GTF2F2: variants seen among roughly 807,000 people sequenced by gnomAD.
GTF2F2 encodes general transcription factor IIF subunit 2.
A neutral mutation model predicts 42.2 loss-of-function variants in GTF2F2; 23 were observed. The ratio of observed to expected loss-of-function variants is 0.55; its 90% CI spans 0.39 to 0.77. The LOEUF is 0.77. GTF2F2 is among the 30% of genes least tolerant of loss of function. The pLI is 0.00. For synonymous variants in GTF2F2, 105 were observed against 100.8 expected, an observed-to-expected ratio of 1.04 and a Z score of -0.25; for missense variants, 261 against 287.2, an observed-to-expected ratio of 0.91 and a Z score of 0.66.
intron 5 of GTF2F2, among the ~76,000 whole-genome samples, chr13:45,220,568 A>G (rs1874066489): frequency 6.6e-6 from 1 of 152,128 alleles, no homozygotes; most frequent in East Asian, 1.9e-4. Context: ...GAGGGCTCCC[A>G]GGCAGGAATG....
At chr13:45,176,108 CTG>C (rs1269285761) in intron 4 of GTF2F2, among the ~76,000 whole-genome samples, 1 of 152,084 alleles carries the variant, frequency 6.6e-6, no homozygotes, top group Non-Finnish European at 1.5e-5. Flanking sequence ...CTCATTTTTA[CTG>C]TTAGTGAATA....
At chr13:45,263,911 C>A in intron 6 of GTF2F2, 1 of 190,498 alleles carries the variant, frequency 5.2e-6, no homozygotes, top group Non-Finnish European at 1.1e-5. Context: ...TTTCAGAGTG[C>A]AAAGTGGTTT....
intron 5 of GTF2F2, among the ~76,000 whole-genome samples, chr13:45,216,708 A>C (rs974614115): frequency 1.3e-5 from 2 of 151,836 alleles, no homozygotes; most frequent in Admixed American, 1.3e-4. Flanking sequence ...TAGTGGGGAC[A>C]GGATTGCTCC....
At chr13:45,194,283 A>G in intron 4 of GTF2F2, 3 of 1,614,164 alleles carry the variant, frequency 1.9e-6, no homozygotes, top group South Asian at 1.1e-5. Flanking sequence ...GAAGTTCTCC[A>G]TTTCGTAGGA....
intron 1 of GTF2F2, among the ~76,000 whole-genome samples, chr13:45,129,297 C>T (rs1385759639): frequency 1.3e-5 from 2 of 152,206 alleles, no homozygotes; most frequent in African/African-American, 4.8e-5. Flanking sequence ...CAGCCTCGAC[C>T]TCCCTGGGCT....
rs1437287708 is a variant in GTF2F2 at position 45,273,772 on chromosome 13, A to G, written c.630+6396A>G. ...CTGGTTCAAGCGATTCTCCTGCCTC[A>G]GCCTCCTGAGTAGCTGGGATTACAG... is the stretch of plus-strand genomic sequence containing the variant. On this transcript the variant is annotated intron_variant, in intron 7 of 7. Coordinates refer to ENST00000340473, the MANE Select transcript of GTF2F2 (RefSeq NM_004128.3). Among the ~76,000 whole-genome samples the G allele has an allele frequency of 2.0e-5, 3 of 150,164 alleles. No individual in the cohort carries two copies. In the East Asian group the frequency reaches 5.9e-4, roughly 29 times the overall value.
In GTF2F2 at chr13:45,175,800, T is replaced by G. The variant is rs1046450967; in HGVS notation, c.304+23969T>G. ...GCTACACCTGGCTAATTGTGTGTGT[T>G]TTTAGTAGAGATGGGGTTTCTCTGT... is the stretch of plus-strand genomic sequence containing the variant. On this transcript the variant is annotated intron_variant, in intron 4 of 7. Transcript: ENST00000340473. 1.6e-4 allele frequency among the ~76,000 whole-genome samples: 24 copies of G among 152,206 alleles called. No individual in the cohort carries two copies. The South Asian group carries it at 2.5e-3, about 16-fold the overall frequency.
intron 5 of GTF2F2, among the ~76,000 whole-genome samples, chr13:45,225,219 G>A (rs1874281546): frequency 6.6e-6 from 1 of 152,146 alleles, no homozygotes; most frequent in South Asian, 2.1e-4. Flanking sequence ...TCTTAACAAG[G>A]AGGTACAACT....
At chr13:45,176,189 C>T (rs1871868528) in intron 4 of GTF2F2, among the ~76,000 whole-genome samples, 1 of 152,160 alleles carries the variant, frequency 6.6e-6, no homozygotes, top group Admixed American at 6.5e-5. Context: ...ACTTTGGTCA[C>T]AGGATACATA....
chr13:45,204,066 T>C (rs915963666), intron 4 of GTF2F2, among the ~76,000 whole-genome samples: 1 of 152,186 alleles, frequency 6.6e-6, no homozygotes. Flanking sequence ...ATGGTAGATA[T>C]CAGCAGTTAA....
At chr13:45,201,688 G>A (rs919072146) in intron 4 of GTF2F2, among the ~76,000 whole-genome samples, 8 of 152,260 alleles carry the variant, frequency 5.3e-5, no homozygotes, top group African/African-American at 1.9e-4. Context: ...AAAGATGTGT[G>A]TTCATACTCA....
chr13:45,178,881 TG>T (rs978143120), intron 4 of GTF2F2, among the ~76,000 whole-genome samples: 3 of 152,122 alleles, frequency 2.0e-5, no homozygotes, highest in African/African-American at 4.8e-5. Context: ...TGCATTCAGC[TG>T]GGGGGTTGGC....
intron 1 of GTF2F2, among the ~76,000 whole-genome samples, chr13:45,134,248 G>C (rs1274929131): frequency 1.3e-5 from 2 of 152,146 alleles, no homozygotes; most frequent in African/African-American, 4.8e-5. Context: ...GGCCAGTGAA[G>C]TATCTCATCT....
intron 1 of GTF2F2, among the ~76,000 whole-genome samples, chr13:45,127,371 G>C (rs1171476011): frequency 1.3e-5 from 2 of 151,966 alleles, no homozygotes; most frequent in East Asian, 3.9e-4. Flanking sequence ...TGTCTCCCAG[G>C]CTGGAGTGAA....
intron 5 of GTF2F2, among the ~76,000 whole-genome samples, chr13:45,252,634 G>A (rs1875925731): frequency 6.6e-6 from 1 of 152,036 alleles, no homozygotes; most frequent in African/African-American, 2.4e-5. Flanking sequence ...ATAATAAGCG[G>A]GTGAAAAGTA....
intron 5 of GTF2F2, among the ~76,000 whole-genome samples, chr13:45,216,664 T>C (rs1873901991): frequency 6.6e-6 from 1 of 151,958 alleles, no homozygotes; most frequent in South Asian, 2.1e-4. Context: ...ATTATAAGCA[T>C]GCGCCACCAC....
chr13:45,281,779 G>A (rs1877271443), intron 7 of GTF2F2, among the ~76,000 whole-genome samples: 1 of 152,202 alleles, frequency 6.6e-6, no homozygotes, highest in Non-Finnish European at 1.5e-5. Context: ...CAATCAATAA[G>A]AAAAATTACA....
At chr13:45,207,920 G>A (rs1051449994) in intron 5 of GTF2F2, among the ~76,000 whole-genome samples, 5 of 152,136 alleles carry the variant, frequency 3.3e-5, no homozygotes, top group African/African-American at 1.2e-4. Flanking sequence ...ACTTTGGGAG[G>A]CTGAGGTAGG....
chr13:45,141,138 A>G (rs1278544035), intron 2 of GTF2F2, among the ~76,000 whole-genome samples: 1 of 152,250 alleles, frequency 6.6e-6, no homozygotes, highest in Non-Finnish European at 1.5e-5. Context: ...TACCTGGTTC[A>G]GAAATATAGT....
Sources: gnomAD v4.1 joint callset for allele counts (sites outside exome capture counted in the v4.1 genomes callset) on GRCh38, gnomAD v4.1.1 for gene constraint, MANE v1.5 for transcripts, NCBI Gene and HGNC (gene_info 2026-07-23, HGNC 2026-07-21) for gene names.